ZSCAN25: variants seen among roughly 807,000 people sequenced by gnomAD.
ZSCAN25 encodes zinc finger and SCAN domain containing 25.
A neutral mutation model predicts 38.7 loss-of-function variants in ZSCAN25; 27 were observed. That is an observed-to-expected ratio of 0.70 (90% confidence interval 0.51 to 0.96). The LOEUF is 0.96. ZSCAN25 is among the 40% of genes least tolerant of loss of function. ZSCAN25 has a pLI of 0.00. For synonymous variants in ZSCAN25, 273 were observed against 277.7 expected (o/e 0.98, Z 0.17); for missense variants, 637 against 705.9 (o/e 0.90, Z 1.11).
Position 99,629,356 on chromosome 7 carries a change from T to A in ZSCAN25, c.971T>A (p.Leu324His), listed in dbSNP as rs1313312528. The A allele has an allele frequency of 1.9e-6, 3 of 1,614,072 alleles. No individual in the cohort carries two copies. The highest frequency in any genetic ancestry group is 2.5e-6 in the Non-Finnish European group (3 of 1,180,040). The stretch of plus-strand genomic sequence containing the variant: ...GGCCCTGCAGGCAGTGCGCCTGGGC[T>A]TCCTCCTCCCCAGCACGGTGCCATC... The part of the protein sequence containing the change: ...PGGPAGSAPG[L>H]PPPQHGAIPL... The change falls in exon 8 of 8, where the codon CTT becomes CAT. Residue 324 changes from leucine (L) to histidine (H), a missense_variant. Coordinates refer to ENST00000394152, the MANE Select transcript of ZSCAN25 (RefSeq NM_145115.3). This position sits in a 1 kb window ranked among gnomAD's most constrained non-coding sequence, Gnocchi z 5.6.
the ZSCAN25 span, among the ~76,000 whole-genome samples, chr7:99,726,743 T>C: frequency 1.3e-5 from 2 of 152,180 alleles, no homozygotes; most frequent in Non-Finnish European, 2.9e-5. Flanking sequence ...TTCTACTCTG[T>C]AGTCCCTCCT....
downstream of ZSCAN25, among the ~76,000 whole-genome samples, chr7:99,635,541 TTA>T: frequency 6.6e-6 from 1 of 152,294 alleles, no homozygotes; most frequent in East Asian, 1.9e-4. Context: ...ACCAAAAGGT[TTA>T]GAGTTTTCCA....
chr7:99,723,884 C>T, the ZSCAN25 span, among the ~76,000 whole-genome samples: 1 of 152,210 alleles, frequency 6.6e-6, no homozygotes, highest in African/African-American at 2.4e-5. Context: ...GAACAGTCTT[C>T]CCTTGGTGTC....
chr7:99,632,214 C>A lies in ZSCAN25; in HGVS notation c.*2194C>A. 1.0e-6 allele frequency: 1 copy of A among 985,396 alleles called. No individual in the cohort carries two copies. Among genetic ancestry groups the A allele is most frequent in the Non-Finnish European group, 1.2e-6 (1 of 829,920 alleles). 61.0% of individuals were successfully genotyped at this position (985,396 alleles called of 1,614,324 possible). A position where few individuals can be genotyped will look rare whatever the true frequency, so the allele number is the denominator to read the frequency against. On this transcript the variant is annotated 3_prime_UTR_variant, in exon 8 of 8. Coordinates refer to ENST00000394152, the MANE Select transcript of ZSCAN25 (RefSeq NM_145115.3). ...GCTTAGGACAGTGTCTCAGAAAAGC[C>A]TCTAAGTAGGGGGTTTTTCCCATGG...
chr7:99,708,049 C>T, the ZSCAN25 span: 1 of 1,604,466 alleles, frequency 6.2e-7, no homozygotes, highest in Non-Finnish European at 8.5e-7. Flanking sequence ...GGGTTTCTTA[C>T]TTAGGGCCCA....
At chr7:99,685,047 C>T in the ZSCAN25 span, 1 of 937,158 alleles carries the variant, frequency 1.1e-6, no homozygotes, top group South Asian at 1.4e-5. Flanking sequence ...AGCCCATCTT[C>T]ATTTCAGGGT....
intron 1 of ZSCAN25, among the ~76,000 whole-genome samples, chr7:99,617,449 C>T (rs1806567723): frequency 6.6e-6 from 1 of 152,252 alleles, no homozygotes; most frequent in Non-Finnish European, 1.5e-5. Flanking sequence ...GGCGTGGTGG[C>T]ACGCGCCTGA....
chr7:99,636,395 G>A (rs908860706), downstream of ZSCAN25, among the ~76,000 whole-genome samples: 7 of 152,164 alleles, frequency 4.6e-5, no homozygotes, highest in African/African-American at 1.7e-4. Flanking sequence ...ATAACCTTTT[G>A]CATCTGCTTT....
At chr7:99,705,416 G>A in the ZSCAN25 span, 16 of 1,454,904 alleles carry the variant, frequency 1.1e-5, no homozygotes, top group African/African-American at 2.1e-4. Flanking sequence ...TTCATTTCAG[G>A]GTTCTATTTG....
the ZSCAN25 span, chr7:99,671,695 A>G: frequency 1.6e-6 from 1 of 631,334 alleles, no homozygotes; most frequent in African/African-American, 1.8e-5. Flanking sequence ...ACTTAACACC[A>G]AAAGAACAAT....
the ZSCAN25 span, among the ~76,000 whole-genome samples, chr7:99,733,205 G>T: frequency 1.3e-5 from 2 of 152,090 alleles, no homozygotes; most frequent in Non-Finnish European, 2.9e-5. Context: ...AAAATCAATG[G>T]CACTAATCTC....
chr7:99,617,199 C>T (rs867652799), intron 1 of ZSCAN25, among the ~76,000 whole-genome samples, 183 bp downstream of exon 1: 6 of 152,282 alleles, frequency 3.9e-5, no homozygotes, highest in Middle Eastern at 6.8e-3. Flanking sequence ...CCCCGAGGCC[C>T]TGCGGGTCTG....
At chr7:99,674,575 T>G in the ZSCAN25 span, 1 of 1,613,646 alleles carries the variant, frequency 6.2e-7, no homozygotes, top group Admixed American at 1.7e-5. Context: ...TGTGTCAAAT[T>G]TCCAGAGACC....
the ZSCAN25 span, among the ~76,000 whole-genome samples, chr7:99,702,403 T>C: frequency 6.6e-6 from 1 of 152,188 alleles, no homozygotes; most frequent in Non-Finnish European, 1.5e-5. Flanking sequence ...ATTTCAGTCT[T>C]TCATCCACCT....
Position 99,631,107 on chromosome 7 carries a change from A to G in ZSCAN25, c.*1087A>G, listed in dbSNP as rs887330042. 5 of 985,328 alleles carry G rather than the reference A, an allele frequency of 5.1e-6. No homozygotes were observed. In the African/African-American group the frequency reaches 8.7e-5, roughly 17 times the overall value. 61.0% of individuals were successfully genotyped at this position (985,328 alleles called of 1,614,324 possible). On this transcript the variant is annotated 3_prime_UTR_variant, in exon 8 of 8. Coordinates refer to ENST00000394152, the MANE Select transcript of ZSCAN25 (RefSeq NM_145115.3). ...ACCTCGTAGAGCTTATGTCTCGTGG[A>G]TGTACCTGATCTTCAGAACCCGTGG... is the stretch of plus-strand genomic sequence containing the variant.
chr7:99,725,755 C>T, the ZSCAN25 span, among the ~76,000 whole-genome samples: 2 of 152,212 alleles, frequency 1.3e-5, no homozygotes, highest in African/African-American at 4.8e-5. Flanking sequence ...GCTACCCGAT[C>T]ACCTCGGAAG....
the ZSCAN25 span, chr7:99,709,006 G>T: frequency 6.2e-7 from 1 of 1,613,344 alleles, no homozygotes; most frequent in Non-Finnish European, 8.5e-7. Context: ...GCTGGTTCAG[G>T]GAGGGCTCCC....
the ZSCAN25 span, among the ~76,000 whole-genome samples, chr7:99,730,325 C>T: frequency 2.0e-5 from 3 of 152,194 alleles, no homozygotes; most frequent in Admixed American, 1.3e-4. Flanking sequence ...TCATATTGTG[C>T]TTAAATATCT....
the ZSCAN25 span, chr7:99,663,451 A>C: frequency 2.0e-6 from 2 of 989,818 alleles, no homozygotes; most frequent in Non-Finnish European, 2.4e-6. Flanking sequence ...TGAGTTAGCC[A>C]GCCTTGCAAC....
Sources: allele counts gnomAD v4.1 joint callset (sites outside exome capture counted in the v4.1 genomes callset), GRCh38; gene constraint gnomAD v4.1.1; non-coding constraint Gnocchi (gnomAD v3.1); transcripts MANE v1.5; gene names NCBI Gene and HGNC (gene_info 2026-07-23, HGNC 2026-07-21).